Variants in ADAM20 observed in about 807,000 individuals in gnomAD.
ADAM20 encodes ADAM metallopeptidase domain 20.
For synonymous variants in ADAM20, 305 were observed against 310.2 expected (o/e 0.98, Z 0.18); for missense variants, 871 against 883.2 (o/e 0.99, Z 0.18).
the ADAM20 span, among the ~76,000 whole-genome samples, chr14:70,575,208 T>A: frequency 4.0e-5 from 6 of 151,102 alleles, no homozygotes; most frequent in Middle Eastern, 7.0e-3. Flanking sequence ...ATATATATAT[T>A]TTTTGAGGCA....
the ADAM20 span, among the ~76,000 whole-genome samples, chr14:70,569,425 T>C: frequency 5.3e-5 from 8 of 152,242 alleles, no homozygotes; most frequent in Admixed American, 5.2e-4. Context: ...CACATATCGA[T>C]ATTAGTCTTA....
the ADAM20 span, chr14:70,557,088 G>A: frequency 3.9e-5 from 6 of 152,258 alleles, no homozygotes; most frequent in East Asian, 3.9e-4. Context: ...GATGCCCTTC[G>A]TCAAATAATT....
chr14:70,563,088 T>C, the ADAM20 span, among the ~76,000 whole-genome samples: 5 of 152,278 alleles, frequency 3.3e-5, no homozygotes, highest in Admixed American at 1.3e-4. Flanking sequence ...ATTCTCACAA[T>C]TGCCATTTAG....
In ADAM20 at chr14:70,522,399, G is replaced by C. The variant is rs1059167; in HGVS notation, c.*178C>G. ...CTTTAATATTGCTTAAGACACTGTA[G>C]AGTAAGTAAGAATAGGCTAGGAATC... On this transcript the variant is annotated 3_prime_UTR_variant, in exon 2 of 2. Transcript: ENST00000256389. 7 of 654,756 alleles carry C rather than the reference G, an allele frequency of 1.1e-5. No homozygotes were observed. Among genetic ancestry groups the C allele is most frequent in the South Asian group, 1.0e-4 (5 of 47,816 alleles). The allele number at this position is 654,756 out of a possible 1,614,324, so 40.6% of individuals were successfully genotyped here. A position where few individuals can be genotyped will look rare whatever the true frequency, so the allele number is the denominator to read the frequency against.
At chr14:70,568,629 T>C in the ADAM20 span, among the ~76,000 whole-genome samples, 10 of 151,878 alleles carry the variant, frequency 6.6e-5, no homozygotes, top group Admixed American at 2.6e-4. Flanking sequence ...ACAAAGACAC[T>C]AGAAAAATAA....
chr14:70,557,342 C>T, the ADAM20 span: 2 of 152,148 alleles, frequency 1.3e-5, no homozygotes, highest in African/African-American at 4.8e-5. Context: ...AAGATTGCCA[C>T]GGTTTATATG....
the ADAM20 span, among the ~76,000 whole-genome samples, chr14:70,540,603 CTTGTGTAATTT>C: frequency 1.2e-3 from 180 of 152,240 alleles, no homozygotes; most frequent in Non-Finnish European, 1.9e-3. Flanking sequence ...ATAATCTTTG[CTTGTGTAATTT>C]TTTTAACAAA....
At chr14:70,556,037 C>T in the ADAM20 span, among the ~76,000 whole-genome samples, 1 of 152,200 alleles carries the variant, frequency 6.6e-6, no homozygotes, top group Non-Finnish European at 1.5e-5. Flanking sequence ...CTCTAGTCTC[C>T]AACGCCCACT....
intron 1 of ADAM20, 42 bp from the exon 2 acceptor site, chr14:70,524,975 A>G (rs1595016636): frequency 6.7e-7 from 1 of 1,493,638 alleles, no homozygotes; most frequent in Non-Finnish European, 9.0e-7. Context: ...GAAAGGGAGA[A>G]AGAGAGAGAG....
At chr14:70,533,853 T>C (rs1883769016) in intron 1 of ADAM20, among the ~76,000 whole-genome samples, 1 of 150,696 alleles carries the variant, frequency 6.6e-6, no homozygotes, top group African/African-American at 2.4e-5. Context: ...GAGGCTAAGG[T>C]GGGTGGATCA....
the ADAM20 span, among the ~76,000 whole-genome samples, chr14:70,561,790 C>T: frequency 9.9e-5 from 15 of 152,228 alleles, no homozygotes; most frequent in Admixed American, 3.3e-4. Context: ...GGTGTTGGGC[C>T]TGCAGGATGC....
At chr14:70,525,822 C>A (rs1883577723) in intron 1 of ADAM20, among the ~76,000 whole-genome samples, 3 of 152,168 alleles carry the variant, frequency 2.0e-5, no homozygotes, top group South Asian at 2.1e-4. Flanking sequence ...TGCAGAAAAG[C>A]CCTGGGCATT....
chr14:70,556,564 C>T, the ADAM20 span: 1 of 152,160 alleles, frequency 6.6e-6, no homozygotes, highest in Non-Finnish European at 1.5e-5. Flanking sequence ...GTTCGAACAC[C>T]AGATAAGATA....
At chr14:70,563,909 CA>C in the ADAM20 span, among the ~76,000 whole-genome samples, 1 of 152,342 alleles carries the variant, frequency 6.6e-6, no homozygotes, top group East Asian at 1.9e-4. Flanking sequence ...TTCTTTATAG[CA>C]ATGAAAGAAG....
the ADAM20 span, among the ~76,000 whole-genome samples, chr14:70,563,292 G>A: frequency 6.6e-6 from 1 of 152,036 alleles, no homozygotes; most frequent in Admixed American, 6.5e-5. Context: ...CAAAGGAAAA[G>A]GTTTGCTATA....
At chr14:70,574,639 C>CAAA in the ADAM20 span, among the ~76,000 whole-genome samples, 2 of 126,602 alleles carry the variant, frequency 1.6e-5, no homozygotes, top group African/African-American at 5.8e-5. Context: ...GACTCCGTCT[C>CAAA]AAAAAAAAAA....
the ADAM20 span, among the ~76,000 whole-genome samples, chr14:70,552,969 C>A: frequency 3.6e-5 from 2 of 55,740 alleles, no homozygotes; most frequent in African/African-American, 7.6e-5. Flanking sequence ...CCATGGAATA[C>A]TATGCAGCCA....
chr14:70,538,701 C>A (rs1265386633), upstream of ADAM20, among the ~76,000 whole-genome samples: 2 of 152,190 alleles, frequency 1.3e-5, no homozygotes, highest in Middle Eastern at 3.2e-3. Flanking sequence ...CCTCACAGAA[C>A]CCCTGGAATT....
the ADAM20 span, chr14:70,556,772 G>A: frequency 1.3e-5 from 2 of 152,118 alleles, no homozygotes; most frequent in African/African-American, 2.4e-5. Context: ...CCAACTTTTC[G>A]TATACACAGG....
Sources: gnomAD v4.1 joint callset for allele counts (sites outside exome capture counted in the v4.1 genomes callset) on GRCh38, gnomAD v4.1.1 for gene constraint, MANE v1.5 for transcripts, NCBI Gene and HGNC (gene_info 2026-07-23, HGNC 2026-07-21) for gene names.